HCRTR2: variants seen among roughly 807,000 people sequenced by gnomAD.
HCRTR2 encodes hypocretin receptor 2, also known as orexin receptor type 2.
A neutral mutation model predicts 49.0 loss-of-function variants in HCRTR2; 22 were observed. The ratio of observed to expected loss-of-function variants is 0.45; its 90% CI spans 0.32 to 0.64. The LOEUF (loss-of-function observed/expected upper bound fraction) is 0.64. Ranked by LOEUF, HCRTR2 falls within the 30% of genes least tolerant of loss-of-function variation. HCRTR2 has a pLI of 0.04. For missense variants in HCRTR2, 491 were observed against 559.4 expected (o/e 0.88, Z 1.23); for synonymous variants, 236 against 205.3 (o/e 1.15, Z -1.28).
chr6:55,245,986 A>T lies in HCRTR2; in HGVS notation c.224-2653A>T, dbSNP rs10452611. On this transcript the variant is annotated intron_variant, in intron 1 of 6. Transcript: ENST00000370862. ...GGGCCTTTAATCCAATATGACTGGG[A>T]TCCTTATGAGATGATGGCCATGTGA... Among the ~76,000 whole-genome samples, 679 of 152,100 alleles carry T rather than the reference A, an allele frequency of 4.5e-3. 2 individuals are homozygous for T. The highest frequency in any genetic ancestry group is 0.015 in the African/African-American group (626 of 41,534).
chr6:55,231,088 A>G (rs1221719933), intron 1 of HCRTR2, among the ~76,000 whole-genome samples: 1 of 152,156 alleles, frequency 6.6e-6, no homozygotes, highest in Non-Finnish European at 1.5e-5. Flanking sequence ...AAAGATACAC[A>G]GTTTTTCTAA....
At chr6:55,225,344 C>T (rs1042081777) in intron 1 of HCRTR2, among the ~76,000 whole-genome samples, 1 of 151,704 alleles carries the variant, frequency 6.6e-6, no homozygotes, top group East Asian at 1.9e-4. Context: ...TTATTTTAGC[C>T]CTGTCTTTTT....
At chr6:55,165,282 G>T (rs1764860709) in intron 1 of HCRTR2, among the ~76,000 whole-genome samples, 1 of 151,956 alleles carries the variant, frequency 6.6e-6, no homozygotes, top group Non-Finnish European at 1.5e-5. Flanking sequence ...TAACAATAGA[G>T]TATCAGTATT....
chr6:55,274,774 A>G (rs755256533), intron 4 of HCRTR2, among the ~76,000 whole-genome samples: 14 of 152,130 alleles, frequency 9.2e-5, no homozygotes, highest in Non-Finnish European at 1.8e-4. Context: ...TTTTATCTCT[A>G]TTCATGAAGG....
chr6:55,110,812 G>T (rs1194713599), intron 1 of HCRTR2, among the ~76,000 whole-genome samples: 1 of 151,174 alleles, frequency 6.6e-6, no homozygotes, highest in African/African-American at 2.4e-5. Flanking sequence ...GAACTAGACA[G>T]GTCATAAAGA....
chr6:55,262,758 G>T (rs1166488203), intron 3 of HCRTR2, among the ~76,000 whole-genome samples: 2 of 70,226 alleles, frequency 2.8e-5, no homozygotes, highest in Admixed American at 1.3e-4. Context: ...ATATGTATTA[G>T]GTAGGGAATA....
intron 2 of HCRTR2, among the ~76,000 whole-genome samples, chr6:55,254,451 A>G (rs1320802398): frequency 6.6e-6 from 1 of 152,140 alleles, no homozygotes; most frequent in Admixed American, 6.6e-5. Context: ...TTAATTATAT[A>G]CAAATTTTGA....
At chr6:55,238,319 C>A (rs977791978) in intron 1 of HCRTR2, among the ~76,000 whole-genome samples, 1 of 152,142 alleles carries the variant, frequency 6.6e-6, no homozygotes, top group Non-Finnish European at 1.5e-5. Context: ...TTGGCATTCA[C>A]CTTTTTCCAT....
intron 1 of HCRTR2, among the ~76,000 whole-genome samples, chr6:55,205,939 C>T (rs976241019): frequency 6.6e-6 from 1 of 151,944 alleles, no homozygotes; most frequent in African/African-American, 2.4e-5. Context: ...CAAAACATCT[C>T]ATGTACCCCA....
intron 1 of HCRTR2, among the ~76,000 whole-genome samples, chr6:55,201,012 C>G (rs1279954326): frequency 1.3e-5 from 2 of 151,982 alleles, no homozygotes; most frequent in East Asian, 3.9e-4. Context: ...CATATCGCCT[C>G]TGCTTGCTAC....
In HCRTR2 at chr6:55,142,202, T is replaced by A. The variant is rs554378744; in HGVS notation, c.-377-32009T>A. The stretch of plus-strand genomic sequence containing the variant: ...TTTCAACTGACCATTTAAAAAAAAA[T>A]TTTTTTTTTTTTGAGACGGAGTCTT... On this transcript the variant is annotated intron_variant, in intron 1 of 7. Transcript: ENST00000615358. Among the ~76,000 whole-genome samples, 733 of 145,562 alleles carry A rather than the reference T, an allele frequency of 5.0e-3. 5 individuals are homozygous for A. Among genetic ancestry groups the A allele is most frequent in the African/African-American group, 0.017 (683 of 39,190 alleles).
chr6:55,164,530 A>T (rs1003535744), intron 1 of HCRTR2, among the ~76,000 whole-genome samples: 7 of 152,210 alleles, frequency 4.6e-5, no homozygotes, highest in African/African-American at 1.7e-4. Context: ...AAGATCAGAA[A>T]ACCAAACACC....
At chr6:55,248,924 G>A (rs1164821953) in intron 2 of HCRTR2, 107 bp downstream of exon 2, 2 of 937,112 alleles carry the variant, frequency 2.1e-6, no homozygotes, top group Non-Finnish European at 3.4e-6. Context: ...TTTGCCTAAG[G>A]CATTGACAAA....
chr6:55,173,787 T>C (rs1430633619), upstream of HCRTR2, among the ~76,000 whole-genome samples: 1 of 152,226 alleles, frequency 6.6e-6, no homozygotes, highest in East Asian at 1.9e-4. Flanking sequence ...TCCAGCTAAA[T>C]AGACCCTTCA....
chr6:55,118,854 G>C (rs1299683895), intron 1 of HCRTR2, among the ~76,000 whole-genome samples: 5 of 151,416 alleles, frequency 3.3e-5, no homozygotes, highest in Admixed American at 6.6e-5. Flanking sequence ...TTCTTACATA[G>C]GTATGCACAT....
intron 4 of HCRTR2, among the ~76,000 whole-genome samples, chr6:55,276,932 T>G (rs540623051): frequency 6.6e-6 from 1 of 152,198 alleles, no homozygotes; most frequent in Admixed American, 6.5e-5. Flanking sequence ...TCTATCTCTC[T>G]GGCAGCAGAT....
chr6:55,117,177 G>A lies in HCRTR2; in HGVS notation c.-378+10632G>A, dbSNP rs909406964. ...AAAAATGTCAAAGTTCATAAACCAA[G>A]GAAAATGTAAATGTGAGCAATACTT... On this transcript the variant is annotated intron_variant, in intron 1 of 7. Coordinates refer to the HCRTR2 transcript ENST00000615358. Among the ~76,000 whole-genome samples the A allele has an allele frequency of 3.3e-5, 5 of 151,708 alleles. No homozygotes were observed. The Admixed American group carries it at 3.3e-4, about 10-fold the overall frequency.
At chr6:55,164,693 C>T (rs1273668257) in intron 1 of HCRTR2, among the ~76,000 whole-genome samples, 1 of 151,942 alleles carries the variant, frequency 6.6e-6, no homozygotes, top group Non-Finnish European at 1.5e-5. Flanking sequence ...TTGATGGGTG[C>T]AGCAAACCAC....
At chr6:55,107,585 G>A (rs1295302708) in intron 1 of HCRTR2, among the ~76,000 whole-genome samples, 1 of 151,858 alleles carries the variant, frequency 6.6e-6, no homozygotes, top group Non-Finnish European at 1.5e-5. Flanking sequence ...AAAATTGGCA[G>A]CATATTTTAA....
Sources: gnomAD v4.1 joint callset for allele counts (sites outside exome capture counted in the v4.1 genomes callset) on GRCh38, gnomAD v4.1.1 for gene constraint, MANE v1.5 for transcripts, NCBI Gene and HGNC (gene_info 2026-07-23, HGNC 2026-07-21) for gene names.